The following PKNOX2 variants were observed in gnomAD, a reference collection of about 807,000 sequenced individuals.
The protein encoded by PKNOX2 is homeobox protein PKNOX2.
PKNOX2 carries 14 observed loss-of-function variants against 53.1 expected under a neutral mutation model. That is an observed-to-expected ratio of 0.26 (90% CI 0.17 to 0.41). The LOEUF (loss-of-function observed/expected upper bound fraction) is 0.41, where lower values mean the gene tolerates loss of function less well. Among genes scored for constraint, PKNOX2 ranks in the 10% least tolerant of loss-of-function variants. The probability of loss-of-function intolerance (pLI) is 1.00; values close to 1 mark genes in which losing one functional copy is unlikely to be tolerated. For synonymous variants in PKNOX2, 257 were observed against 242.8 expected (o/e 1.06, Z -0.54); for missense variants, 496 against 602.8 (o/e 0.82, Z 1.85).
intron 5 of PKNOX2, among the ~76,000 whole-genome samples, chr11:125,382,809 T>G (rs542027776): frequency 5.3e-5 from 8 of 152,358 alleles, no homozygotes; most frequent in Middle Eastern, 6.8e-3. Flanking sequence ...CACCTGGTTT[T>G]CTCTTTGTCT....
chr11:125,320,674 C>T (rs1019416134), intron 2 of PKNOX2, among the ~76,000 whole-genome samples: 2 of 152,174 alleles, frequency 1.3e-5, no homozygotes, highest in South Asian at 2.1e-4. Flanking sequence ...TGTCTAGCTT[C>T]GGACCAGAGC....
intron 2 of PKNOX2, among the ~76,000 whole-genome samples, chr11:125,285,885 T>C (rs1201090787): frequency 6.6e-6 from 1 of 152,260 alleles, no homozygotes; most frequent in Admixed American, 6.5e-5. Context: ...ATCACCTCTG[T>C]AGGGTGGAAA....
At chr11:125,410,012 T>C in intron 7 of PKNOX2, 184 bp from the exon 8 acceptor site, 2 of 758,138 alleles carry the variant, frequency 2.6e-6, no homozygotes, top group Non-Finnish European at 4.1e-6. Flanking sequence ...TTTTTTTTAA[T>C]TGAGCCTTCT....
chr11:125,345,462 C>T lies in PKNOX2; in HGVS notation c.-22-5822C>T, dbSNP rs142985471. ...CCACCAAGCCTCAGGGACCACCAAG[C>T]TCTGGCAGACACCCCGCCTCCAGCT... On this transcript the variant is annotated intron_variant, in intron 3 of 12. Coordinates refer to ENST00000298282, the MANE Select transcript of PKNOX2 (RefSeq NM_001382323.2). Among the ~76,000 whole-genome samples, 991 of 152,264 alleles carry T rather than the reference C, an allele frequency of 6.5e-3. 8 individuals carry two copies. The highest frequency in any genetic ancestry group is 0.022 in the African/African-American group (924 of 41,530).
chr11:125,383,826 T>C (rs1953419595), intron 5 of PKNOX2, among the ~76,000 whole-genome samples: 1 of 152,280 alleles, frequency 6.6e-6, no homozygotes, highest in African/African-American at 2.4e-5. Context: ...TTGCAGAAAG[T>C]TCTGTTGCAC....
At chr11:125,397,458 G>C (rs55876622) in intron 6 of PKNOX2, among the ~76,000 whole-genome samples, 1 of 152,340 alleles carries the variant, frequency 6.6e-6, no homozygotes, top group Non-Finnish European at 1.5e-5. Context: ...AACCTGTAAA[G>C]TTGTCAGGGA....
chr11:125,269,201 C>T (rs901643396), intron 2 of PKNOX2, among the ~76,000 whole-genome samples: 6 of 152,010 alleles, frequency 3.9e-5, no homozygotes, highest in African/African-American at 9.7e-5. Flanking sequence ...ATATTCCTTC[C>T]TCAAAAACCT....
intron 2 of PKNOX2, among the ~76,000 whole-genome samples, chr11:125,299,517 A>T (rs1419601747): frequency 6.6e-6 from 1 of 152,150 alleles, no homozygotes; most frequent in Non-Finnish European, 1.5e-5. Flanking sequence ...TCTGCTGGGC[A>T]TCAGGAGAGG....
At chr11:125,180,789 T>C (rs1956116925) in intron 1 of PKNOX2, among the ~76,000 whole-genome samples, 1 of 152,208 alleles carries the variant, frequency 6.6e-6, no homozygotes, top group Non-Finnish European at 1.5e-5. Context: ...CTGCTGCTCC[T>C]TGGGCCACCT....
intron 2 of PKNOX2, among the ~76,000 whole-genome samples, chr11:125,326,181 A>G (rs1402614643): frequency 6.6e-6 from 1 of 152,246 alleles, no homozygotes; most frequent in Non-Finnish European, 1.5e-5. Flanking sequence ...TCACGCACAA[A>G]GCAGGGGCTC....
intron 2 of PKNOX2, among the ~76,000 whole-genome samples, chr11:125,307,653 C>G (rs184927590): frequency 6.4e-4 from 98 of 152,294 alleles, no homozygotes; most frequent in African/African-American, 2.2e-3. Context: ...TCGATATGTC[C>G]CTTAGGGATC....
At chr11:125,306,653 T>C (rs1948482147) in intron 2 of PKNOX2, among the ~76,000 whole-genome samples, 1 of 152,158 alleles carries the variant, frequency 6.6e-6, no homozygotes, top group Admixed American at 6.5e-5. Context: ...GAGCAAATGT[T>C]ATGGAGGAAT....
At chr11:125,281,694 G>A (rs997355259) in intron 2 of PKNOX2, among the ~76,000 whole-genome samples, 1 of 152,188 alleles carries the variant, frequency 6.6e-6, no homozygotes, top group Non-Finnish European at 1.5e-5. Context: ...AACAAACCAT[G>A]TGTTTCCTTT....
At chr11:125,360,060 C>T (rs570618442) in intron 4 of PKNOX2, among the ~76,000 whole-genome samples, 61 of 151,698 alleles carry the variant, frequency 4.0e-4, no homozygotes, top group East Asian at 1.4e-3. Context: ...GCAGGAGAAT[C>T]GCCTGAATCC....
intron 1 of PKNOX2, among the ~76,000 whole-genome samples, chr11:125,232,779 C>T (rs1165211804): frequency 6.6e-6 from 1 of 152,000 alleles, no homozygotes; most frequent in African/African-American, 2.4e-5. Context: ...GCAACAATAT[C>T]ATATCCTGGG....
intron 2 of PKNOX2, among the ~76,000 whole-genome samples, chr11:125,327,263 C>T (rs985322638): frequency 3.3e-5 from 5 of 152,176 alleles, no homozygotes; most frequent in African/African-American, 1.2e-4. Context: ...GAAGCCAGCC[C>T]ATGTCCATAG....
At chr11:125,398,872 A>G (rs976794605) in intron 7 of PKNOX2, among the ~76,000 whole-genome samples, 1 of 152,224 alleles carries the variant, frequency 6.6e-6, no homozygotes, top group Non-Finnish European at 1.5e-5. Context: ...AGGGTCCCCA[A>G]GGAGTCCTCT....
Position 125,165,960 on chromosome 11 carries a change from C to T in PKNOX2, c.-201+1184C>T, listed in dbSNP as rs138092055. The stretch of plus-strand genomic sequence containing the variant: ...AAATGGGCCGTCCTTTCCCGGGGCT[C>T]TTCACGGGGGAGCCGGGGGTTTCCG... On this transcript the variant is annotated intron_variant, in intron 1 of 12. Coordinates refer to ENST00000298282, the MANE Select transcript of PKNOX2 (RefSeq NM_001382323.2). This position sits in a 1 kb window ranked among gnomAD's most constrained non-coding sequence, Gnocchi z 4.5. Among the ~76,000 whole-genome samples the T allele has an allele frequency of 3.0e-4, 45 of 152,280 alleles. No individual in the cohort carries two copies. The highest frequency in any genetic ancestry group is 9.9e-4 in the African/African-American group (41 of 41,560).
intron 2 of PKNOX2, among the ~76,000 whole-genome samples, chr11:125,325,544 T>C (rs1259630677): frequency 6.6e-6 from 1 of 152,176 alleles, no homozygotes; most frequent in African/African-American, 2.4e-5. Flanking sequence ...ATGAGAAAGA[T>C]TCTGCTAGAT....
Sources: gnomAD v4.1 joint callset for allele counts (sites outside exome capture counted in the v4.1 genomes callset) on GRCh38, gnomAD v4.1.1 for gene constraint, Gnocchi (gnomAD v3.1) non-coding constraint, MANE v1.5 for transcripts, NCBI Gene and HGNC (gene_info 2026-07-23, HGNC 2026-07-21) for gene names.